Variants in NAALADL2 observed in about 807,000 individuals in gnomAD.
NAALADL2 encodes the protein N-acetylated alpha-linked acidic dipeptidase like 2.
NAALADL2 carries 76 observed loss-of-function variants against 87.2 expected under a neutral mutation model. That is an observed-to-expected ratio of 0.87 (90% CI 0.72 to 1.05). The LOEUF (loss-of-function observed/expected upper bound fraction) is 1.05, where lower values mean the gene tolerates loss of function less well. Among genes scored for constraint, NAALADL2 ranks in the 50% least tolerant of loss-of-function variants. The probability of loss-of-function intolerance (pLI) is 0.00; values close to 1 mark genes in which losing one functional copy is unlikely to be tolerated. For synonymous variants in NAALADL2, 354 were observed against 331.0 expected (o/e 1.07, Z -0.75); for missense variants, 1,089 against 945.8 (o/e 1.15, Z -1.99).
At chr3:175,267,109 A>G (rs1321040447) in intron 4 of NAALADL2, among the ~76,000 whole-genome samples, 1 of 151,928 alleles carries the variant, frequency 6.6e-6, no homozygotes, top group Non-Finnish European at 1.5e-5. Flanking sequence ...TTAATATAAC[A>G]GGCAGGCAAG....
chr3:175,769,685 G>A lies in NAALADL2; in HGVS notation c.2189+14267G>A, dbSNP rs191588951. 1.5e-4 allele frequency among the ~76,000 whole-genome samples: 23 copies of A among 152,042 alleles called. No individual in the cohort carries two copies. In the East Asian group the frequency reaches 4.4e-3, roughly 29 times the overall value. On this transcript the variant is annotated intron_variant, in intron 13 of 13. Coordinates refer to ENST00000454872, the MANE Select transcript of NAALADL2 (RefSeq NM_207015.3). ...TCAGTCAGGATTTTCCAGAGAAACA[G>A]AACAATAGGACAATAGGAGATGGCA...
chr3:174,507,792 A>G (rs981590697), intron 1 of NAALADL2, among the ~76,000 whole-genome samples: 5 of 152,076 alleles, frequency 3.3e-5, no homozygotes, highest in Non-Finnish European at 7.4e-5. Flanking sequence ...TTATCCACAT[A>G]TGAACATTTA....
intron 3 of NAALADL2, among the ~76,000 whole-genome samples, chr3:174,813,399 C>A (rs1720437772): frequency 6.6e-6 from 1 of 151,726 alleles, no homozygotes; most frequent in Non-Finnish European, 1.5e-5. Context: ...TTTACCCTAC[C>A]TTTTCTATGT....
chr3:174,622,765 G>A (rs969707497), intron 2 of NAALADL2, among the ~76,000 whole-genome samples: 2 of 152,186 alleles, frequency 1.3e-5, no homozygotes, highest in African/African-American at 4.8e-5. Flanking sequence ...ATCGGGCCGG[G>A]CGCGGTGGCT....
At chr3:174,517,898 TAAGTA>T (rs1272800812) in intron 1 of NAALADL2, among the ~76,000 whole-genome samples, 1 of 152,116 alleles carries the variant, frequency 6.6e-6, no homozygotes, top group Non-Finnish European at 1.5e-5. Flanking sequence ...TTTTAAAAAT[TAAGTA>T]AAGTATTTAC....
Position 174,528,634 on chromosome 3 carries a change from A to G in NAALADL2, c.-183-21935A>G, listed in dbSNP as rs185183529. ...TAGTTTTCACACTGCTGATAAAGAC[A>G]TTCCTGACACTGCGCAATTTACAAA... is the stretch of plus-strand genomic sequence containing the variant. On this transcript the variant is annotated intron_variant, in intron 1 of 3. Transcript: ENST00000434257. Among the ~76,000 whole-genome samples, 75 of 152,238 alleles carry G rather than the reference A, an allele frequency of 4.9e-4. 1 individual carries two copies. The East Asian group carries it at 0.01, about 20-fold the overall frequency.
chr3:175,616,558 G>A (rs1216594574), intron 10 of NAALADL2, among the ~76,000 whole-genome samples: 1 of 152,038 alleles, frequency 6.6e-6, no homozygotes, highest in Admixed American at 6.6e-5. Flanking sequence ...ATATGAATCT[G>A]GGAGTGTATA....
intron 2 of NAALADL2, among the ~76,000 whole-genome samples, chr3:174,715,917 ATTT>A (rs1047484991): frequency 6.6e-6 from 1 of 152,012 alleles, no homozygotes; most frequent in Non-Finnish European, 1.5e-5. Flanking sequence ...GGTGTGTTTT[ATTT>A]TTTGTAGAAT....
chr3:175,628,617 G>GTATATATATATATATATA (rs34276529), intron 11 of NAALADL2, among the ~76,000 whole-genome samples: 13 of 139,198 alleles, frequency 9.3e-5, no homozygotes, highest in Middle Eastern at 3.7e-3. Flanking sequence ...CTCTCTCTAT[G>GTATATATATATATATATA]TATATATATA....
intron 3 of NAALADL2, among the ~76,000 whole-genome samples, chr3:174,851,468 G>C (rs1225625408): frequency 6.6e-6 from 1 of 151,436 alleles, no homozygotes; most frequent in South Asian, 2.1e-4. Context: ...AGATTGTTTT[G>C]AGCAACTATA....
At chr3:174,478,173 T>C (rs1488412389) in intron 1 of NAALADL2, among the ~76,000 whole-genome samples, 1 of 152,176 alleles carries the variant, frequency 6.6e-6, no homozygotes, top group Non-Finnish European at 1.5e-5. Flanking sequence ...TTTAGAAACT[T>C]ACGACTGATT....
intron 3 of NAALADL2, among the ~76,000 whole-genome samples, chr3:174,790,648 CA>C (rs11317129): frequency 0.89 from 130,478 of 146,718 alleles, 57,874 homozygotes; most frequent in East Asian, 1. Flanking sequence ...AACTCCATCT[CA>C]AAAAAAAAAA....
chr3:175,236,830 G>A (rs1006871284), intron 3 of NAALADL2, among the ~76,000 whole-genome samples: 2 of 152,220 alleles, frequency 1.3e-5, no homozygotes, highest in African/African-American at 4.8e-5. Flanking sequence ...AAAAGTCTAG[G>A]CTGAATCACA....
chr3:175,721,524 G>A (rs1742235024), intron 11 of NAALADL2, among the ~76,000 whole-genome samples: 1 of 152,030 alleles, frequency 6.6e-6, no homozygotes, highest in Admixed American at 6.6e-5. Flanking sequence ...GGAGACTGAG[G>A]CAAAGCTCAA....
intron 1 of NAALADL2, among the ~76,000 whole-genome samples, chr3:174,506,939 T>G (rs1578046824): frequency 6.6e-6 from 1 of 152,168 alleles, no homozygotes; most frequent in African/African-American, 2.4e-5. Flanking sequence ...AGGATATTAA[T>G]AATTTGTCTC....
At chr3:174,536,100 A>G (rs1721697918) in intron 1 of NAALADL2, among the ~76,000 whole-genome samples, 1 of 152,174 alleles carries the variant, frequency 6.6e-6, no homozygotes, top group Non-Finnish European at 1.5e-5. Flanking sequence ...ATACTCCCAG[A>G]TAGTTTCAAG....
intron 5 of NAALADL2, among the ~76,000 whole-genome samples, chr3:175,335,505 T>C (rs1196936322): frequency 6.6e-6 from 1 of 152,232 alleles, no homozygotes; most frequent in African/African-American, 2.4e-5. Flanking sequence ...TTAGGTATGC[T>C]TCATGAATTC....
chr3:175,606,559 A>G (rs1391838039), intron 10 of NAALADL2, among the ~76,000 whole-genome samples: 1 of 152,122 alleles, frequency 6.6e-6, no homozygotes, highest in Non-Finnish European at 1.5e-5. Flanking sequence ...AATATTGCGG[A>G]ACTCCTTACA....
chr3:174,941,019 T>C (rs913714731), intron 1 of NAALADL2, among the ~76,000 whole-genome samples: 1 of 152,106 alleles, frequency 6.6e-6, no homozygotes, highest in Non-Finnish European at 1.5e-5. Flanking sequence ...CAGCTCTCAT[T>C]TTGGTCATTT....
Sources: allele counts gnomAD v4.1 joint callset (sites outside exome capture counted in the v4.1 genomes callset), GRCh38; gene constraint gnomAD v4.1.1; transcripts MANE v1.5; gene names NCBI Gene and HGNC (gene_info 2026-07-23, HGNC 2026-07-21).